The following GATAD2B variants were observed in gnomAD, a reference collection of about 807,000 sequenced individuals.
GATAD2B encodes the protein GATA zinc finger domain containing 2B, also known as transcriptional repressor p66-beta.
In GATAD2B, 8 loss-of-function variants were observed where a neutral mutation model predicts 64.3. The observed-to-expected ratio is 0.12, with a 90% CI of 0.07 to 0.22. The LOEUF (loss-of-function observed/expected upper bound fraction) is 0.22. Ranked by LOEUF, GATAD2B falls within the 10% of genes least tolerant of loss-of-function variation. GATAD2B has a pLI of 1.00. For synonymous variants in GATAD2B, 281 were observed against 271.3 expected (o/e 1.04, Z -0.35); for missense variants, 453 against 752.0 (o/e 0.60, Z 4.65).
chr1:153,913,603 A>T (rs1045303835), intron 1 of GATAD2B, among the ~76,000 whole-genome samples: 5 of 152,166 alleles, frequency 3.3e-5, no homozygotes, highest in Non-Finnish European at 5.9e-5. Flanking sequence ...GGCAGCCCTC[A>T]TACCACTGAT....
intron 1 of GATAD2B, among the ~76,000 whole-genome samples, chr1:153,880,607 C>T (rs1430474250): frequency 5.9e-5 from 9 of 152,090 alleles, no homozygotes; most frequent in Admixed American, 5.9e-4. Context: ...TTTTCTCAAG[C>T]ACATACACCT....
chr1:153,883,358 A>G (rs1441769056), intron 1 of GATAD2B, among the ~76,000 whole-genome samples: 1 of 152,248 alleles, frequency 6.6e-6, no homozygotes, highest in Non-Finnish European at 1.5e-5. Flanking sequence ...CAATTTACAA[A>G]CTACAAAGGA....
chr1:153,826,422 A>G (rs571545713), intron 2 of GATAD2B, among the ~76,000 whole-genome samples: 3 of 152,148 alleles, frequency 2.0e-5, no homozygotes, highest in South Asian at 4.2e-4. Flanking sequence ...TGAGGTCAGG[A>G]GTTCGAGACC....
chr1:153,887,152 A>T (rs967158753), intron 1 of GATAD2B, among the ~76,000 whole-genome samples: 1 of 152,180 alleles, frequency 6.6e-6, no homozygotes, highest in Non-Finnish European at 1.5e-5. Flanking sequence ...TTAAACAGAA[A>T]ATAGCTCAAC....
rs914870825 is a variant in GATAD2B, at chr1:153,808,629, G to A, written c.*1548C>T. On this transcript the variant is annotated 3_prime_UTR_variant, in exon 11 of 11. Transcript: ENST00000368655. ...TCTGGAGCCAGAGAGGCAGGTGGGT[G>A]TACACTATGAGAAGAGCAGAAACCC... The A allele has an allele frequency of 3.3e-5, 5 of 152,434 alleles. No individual in the cohort carries two copies. Among genetic ancestry groups the A allele is most frequent in the Admixed American group, 1.3e-4 (2 of 15,262 alleles). 9.4% of individuals were successfully genotyped at this position (152,434 alleles called of 1,614,324 possible). A position where few individuals can be genotyped will look rare whatever the true frequency, so the allele number is the denominator to read the frequency against.
At chr1:153,856,264 G>A (rs889492005) in intron 1 of GATAD2B, among the ~76,000 whole-genome samples, 2 of 152,118 alleles carry the variant, frequency 1.3e-5, no homozygotes, top group Admixed American at 6.6e-5. Flanking sequence ...GCCATGAAAC[G>A]GAACATATTC....
intron 9 of GATAD2B, 52 bp downstream of exon 9, chr1:153,811,970 A>C: frequency 7.5e-7 from 1 of 1,324,774 alleles, no homozygotes; most frequent in South Asian, 1.2e-5. Flanking sequence ...AATTGTGATA[A>C]ATGGCTGATA....
Position 153,817,364 on chromosome 1 carries a change from T to C in GATAD2B, c.900+8A>G. ...CTGTTTCCACATTAGGGCTCAGCTC[T>C]CTCTTACCGGTTGATAATTGATGGC... On this transcript the variant is annotated splice_region_variant and intron_variant, in intron 6 of 10. Coordinates refer to ENST00000368655, the MANE Select transcript of GATAD2B (RefSeq NM_020699.4). 1 of 1,541,282 alleles carries C rather than the reference T, an allele frequency of 6.5e-7. No individual in the cohort carries two copies. The highest frequency in any genetic ancestry group is 8.7e-7 in the Non-Finnish European group (1 of 1,145,042).
chr1:153,874,273 AAAAG>A (rs1301296449), intron 1 of GATAD2B, among the ~76,000 whole-genome samples: 1 of 151,808 alleles, frequency 6.6e-6, no homozygotes, highest in Non-Finnish European at 1.5e-5. Flanking sequence ...AAAGAAAAAA[AAAAG>A]AGAGAGGGAA....
At position 153,811,611 on chromosome 1, in the gene GATAD2B, T is replaced by C; in HGVS notation, c.1648+120A>G. ...TTGCTGAGTAACAGAAGAGTGAGAGTGTATGCCCTAAAGAAAGAACAGAAA... is the reference window on the plus strand; with the variant it reads ...TTGCTGAGTAACAGAAGAGTGAGAGCGTATGCCCTAAAGAAAGAACAGAAA... On this transcript the variant is annotated intron_variant, in intron 10 of 10. Coordinates refer to ENST00000368655, the MANE Select transcript of GATAD2B (RefSeq NM_020699.4). 4.0e-6 allele frequency: 3 copies of C among 743,532 alleles called. No individual in the cohort carries two copies. In the South Asian group the frequency reaches 4.6e-5, roughly 11 times the overall value. The allele number at this position is 743,532 out of a possible 1,614,324, so 46.1% of individuals were successfully genotyped here.
intron 1 of GATAD2B, among the ~76,000 whole-genome samples, chr1:153,849,582 C>A (rs1003539122): frequency 6.6e-6 from 1 of 152,190 alleles, no homozygotes; most frequent in African/African-American, 2.4e-5. Flanking sequence ...CACATGCATT[C>A]TATCTGTAAA....
intron 2 of GATAD2B, among the ~76,000 whole-genome samples, chr1:153,823,855 A>G (rs1425464440): frequency 6.6e-6 from 1 of 151,406 alleles, no homozygotes; most frequent in Non-Finnish European, 1.5e-5. Flanking sequence ...TCAGCCTTCC[A>G]AGTAGCTAGG....
At chr1:153,814,777 A>T (rs1234838373) in intron 7 of GATAD2B, among the ~76,000 whole-genome samples, 1 of 152,040 alleles carries the variant, frequency 6.6e-6, no homozygotes, top group African/African-American at 2.4e-5. Flanking sequence ...GGAGTTCGAG[A>T]CCAGCCTGAC....
At chr1:153,825,034 G>A (rs570333437) in intron 2 of GATAD2B, among the ~76,000 whole-genome samples, 3 of 152,212 alleles carry the variant, frequency 2.0e-5, no homozygotes, top group Middle Eastern at 3.4e-3. Flanking sequence ...TGCAGTGAAC[G>A]GACATCATGC....
chr1:153,903,846 T>C (rs970910639), intron 1 of GATAD2B, among the ~76,000 whole-genome samples: 1 of 152,074 alleles, frequency 6.6e-6, no homozygotes, highest in Non-Finnish European at 1.5e-5. Flanking sequence ...TAGCTAGGTA[T>C]GGTGGCACGC....
intron 1 of GATAD2B, among the ~76,000 whole-genome samples, chr1:153,860,712 G>A (rs575946203): frequency 5.1e-4 from 78 of 152,320 alleles, no homozygotes; most frequent in Admixed American, 7.8e-4. Flanking sequence ...CCAGGCTGGA[G>A]TGCCGTGGCA....
At chr1:153,830,291 G>A (rs1377642986) in intron 1 of GATAD2B, among the ~76,000 whole-genome samples, 3 of 151,518 alleles carry the variant, frequency 2.0e-5, no homozygotes, top group Non-Finnish European at 4.4e-5. Context: ...GGGACTATGG[G>A]TGTGTGCCAC....
Position 153,922,859 on chromosome 1 carries a change from G to A in GATAD2B, c.-128C>T, listed in dbSNP as rs1571017322. The A allele has an allele frequency of 2.7e-5, 4 of 150,342 alleles. No individual in the cohort carries two copies. Among genetic ancestry groups the A allele is most frequent in the Admixed American group, 2.0e-4 (3 of 15,118 alleles). 9.3% of individuals were successfully genotyped at this position (150,342 alleles called of 1,614,324 possible). A position where few individuals can be genotyped will look rare whatever the true frequency, so the allele number is the denominator to read the frequency against. On this transcript the variant is annotated 5_prime_UTR_variant, in exon 1 of 11. Coordinates refer to ENST00000368655, the MANE Select transcript of GATAD2B (RefSeq NM_020699.4). Reference sequence around the variant, plus strand: ...GACGGGACTAGGGACGGGGGTAGGGGAGGGGGGCGGGCCGGACCGGGGCGG... The same window carrying A: ...GACGGGACTAGGGACGGGGGTAGGGAAGGGGGGCGGGCCGGACCGGGGCGG...
rs1313462285 is a variant in GATAD2B, at chr1:153,805,487, T to C, written c.*4690A>G. The C allele has an allele frequency of 1.3e-5, 2 of 152,210 alleles. No individual in the cohort carries two copies. The highest frequency in any genetic ancestry group is 2.9e-5 in the Non-Finnish European group (2 of 68,048). The allele number at this position is 152,210 out of a possible 1,614,324, so 9.4% of individuals were successfully genotyped here. A position where few individuals can be genotyped will look rare whatever the true frequency, so the allele number is the denominator to read the frequency against. ...ATGACTAGAGGCATAAAGGCAAAGA[T>C]GTCACTGGTCTGATGCCCTGGACAT... On this transcript the variant is annotated 3_prime_UTR_variant, in exon 11 of 11. Coordinates refer to ENST00000368655, the MANE Select transcript of GATAD2B (RefSeq NM_020699.4).
Sources: gnomAD v4.1 joint callset for allele counts (sites outside exome capture counted in the v4.1 genomes callset) on GRCh38, gnomAD v4.1.1 for gene constraint, MANE v1.5 for transcripts, NCBI Gene and HGNC (gene_info 2026-07-23, HGNC 2026-07-21) for gene names.